Variants in KCNIP4 observed in about 807,000 individuals in gnomAD.
KCNIP4 encodes Kv channel-interacting protein 4.
A neutral mutation model predicts 34.0 loss-of-function variants in KCNIP4; 12 were observed. The ratio of observed to expected loss-of-function variants is 0.35; its 90% CI spans 0.23 to 0.57. The LOEUF (loss-of-function observed/expected upper bound fraction) is 0.57, where lower values mean the gene tolerates loss of function less well. Ranked by LOEUF, KCNIP4 falls within the 20% of genes least tolerant of loss-of-function variation. KCNIP4 has a pLI of 0.83. For missense variants in KCNIP4, 238 were observed against 311.7 expected (o/e 0.76, Z 1.78); for synonymous variants, 124 against 102.2 (o/e 1.21, Z -1.29).
intron 1 of KCNIP4, among the ~76,000 whole-genome samples, chr4:21,225,602 CT>C (rs1232005836): frequency 6.6e-6 from 1 of 151,996 alleles, no homozygotes; most frequent in Non-Finnish European, 1.5e-5. Context: ...CCCTTTATTC[CT>C]CATCTGTAAA....
At chr4:20,784,467 T>C (rs1164828179) in intron 3 of KCNIP4, among the ~76,000 whole-genome samples, 1 of 152,188 alleles carries the variant, frequency 6.6e-6, no homozygotes, top group Non-Finnish European at 1.5e-5. Context: ...TTAATAAAGT[T>C]GTGGTTATTG....
chr4:21,621,562 T>G (rs1744999399), intron 1 of KCNIP4, among the ~76,000 whole-genome samples: 3 of 152,112 alleles, frequency 2.0e-5, no homozygotes, highest in Admixed American at 2.0e-4. Flanking sequence ...ATCACCATGT[T>G]GCCCAGGCTG....
intron 1 of KCNIP4, among the ~76,000 whole-genome samples, chr4:21,756,552 CAAAA>C (rs71191600): frequency 1.6e-4 from 20 of 124,916 alleles, no homozygotes; most frequent in East Asian, 2.2e-4. Context: ...GACTCTGTCT[CAAAA>C]AAAAAAAAAA....
At chr4:21,853,613 C>A (rs1316401365) in intron 1 of KCNIP4, among the ~76,000 whole-genome samples, 1 of 152,132 alleles carries the variant, frequency 6.6e-6, no homozygotes, top group Non-Finnish European at 1.5e-5. Context: ...GGGTTCAACA[C>A]ATGAATTGGA....
intron 1 of KCNIP4, among the ~76,000 whole-genome samples, chr4:21,001,382 C>A (rs1738123954): frequency 6.6e-6 from 1 of 152,178 alleles, no homozygotes; most frequent in Non-Finnish European, 1.5e-5. Context: ...ACCCCTTTAA[C>A]CTGCCCTCCA....
chr4:21,711,162 G>C (rs1713690995), intron 1 of KCNIP4, among the ~76,000 whole-genome samples: 1 of 152,068 alleles, frequency 6.6e-6, no homozygotes, highest in East Asian at 1.9e-4. Context: ...CTTGAAGGGA[G>C]AGAAAAGATG....
At chr4:20,886,922 G>A (rs1725376021) in intron 1 of KCNIP4, among the ~76,000 whole-genome samples, 1 of 152,060 alleles carries the variant, frequency 6.6e-6, no homozygotes, top group Non-Finnish European at 1.5e-5. Flanking sequence ...ATGTGAGAAA[G>A]CAGAACAAAT....
At chr4:21,233,646 G>T (rs566106264) in intron 1 of KCNIP4, among the ~76,000 whole-genome samples, 1 of 151,682 alleles carries the variant, frequency 6.6e-6, no homozygotes, top group South Asian at 2.1e-4. Flanking sequence ...TTCTCAGTCT[G>T]TTCATCAAGA....
At chr4:21,632,156 T>C (rs1577723035) in intron 1 of KCNIP4, among the ~76,000 whole-genome samples, 1 of 152,326 alleles carries the variant, frequency 6.6e-6, no homozygotes, top group Admixed American at 6.5e-5. Flanking sequence ...CCATGCTTTT[T>C]GATGTTCAGC....
chr4:20,846,922 G>C (rs1720453403), intron 3 of KCNIP4, among the ~76,000 whole-genome samples: 3 of 152,166 alleles, frequency 2.0e-5, no homozygotes. Flanking sequence ...AAGCATAGTA[G>C]CCACTATTTT....
chr4:20,868,040 T>C (rs1723050263), intron 2 of KCNIP4, among the ~76,000 whole-genome samples: 1 of 151,506 alleles, frequency 6.6e-6, no homozygotes, highest in Admixed American at 6.6e-5. Context: ...AAAGAAGCTA[T>C]CAACAAAGCC....
intron 1 of KCNIP4, among the ~76,000 whole-genome samples, chr4:21,023,156 G>A (rs957687887): frequency 6.6e-6 from 1 of 151,998 alleles, no homozygotes; most frequent in African/African-American, 2.4e-5. Flanking sequence ...CCTCAGGAAA[G>A]GCAATATAAA....
At chr4:20,731,369 A>C in intron 8 of KCNIP4, 1 of 983,258 alleles carries the variant, frequency 1.0e-6, no homozygotes, top group Non-Finnish European at 1.2e-6. Context: ...CTACTGTACC[A>C]GGCCTTAACA....
chr4:21,614,237 GA>G (rs1422520345), intron 1 of KCNIP4, among the ~76,000 whole-genome samples: 2 of 151,834 alleles, frequency 1.3e-5, no homozygotes, highest in Non-Finnish European at 2.9e-5. Flanking sequence ...ATTAGAGAGT[GA>G]ATTTTATTCA....
At chr4:21,883,052 C>T (rs1471897077) in intron 1 of KCNIP4, among the ~76,000 whole-genome samples, 1 of 151,866 alleles carries the variant, frequency 6.6e-6, no homozygotes, top group Non-Finnish European at 1.5e-5. Flanking sequence ...GCTCTCTAGG[C>T]CCAAGAAATA....
chr4:21,909,895 T>C (rs1455507805), intron 1 of KCNIP4, among the ~76,000 whole-genome samples: 2 of 151,910 alleles, frequency 1.3e-5, no homozygotes, highest in Non-Finnish European at 2.9e-5. Flanking sequence ...ACCACAAGGA[T>C]AGTATGGGGG....
At chr4:21,401,510 G>C (rs1022515039) in intron 1 of KCNIP4, among the ~76,000 whole-genome samples, 1 of 152,166 alleles carries the variant, frequency 6.6e-6, no homozygotes, top group Non-Finnish European at 1.5e-5. Flanking sequence ...ATTTGCCCAT[G>C]TTGAATGTGA....
At chr4:21,808,943 C>T (rs57505034) in intron 1 of KCNIP4, among the ~76,000 whole-genome samples, 11,878 of 152,132 alleles carry the variant, frequency 0.078, 541 homozygotes, top group Middle Eastern at 0.13. Flanking sequence ...TGCCAGGCTT[C>T]ACAGCTCAAA....
intron 1 of KCNIP4, among the ~76,000 whole-genome samples, chr4:21,383,635 T>C (rs192060174): frequency 1.6e-4 from 25 of 152,234 alleles, no homozygotes; most frequent in African/African-American, 3.4e-4. Flanking sequence ...AAGTGAGTAT[T>C]TGCTGATTTT....
Sources: allele counts gnomAD v4.1 joint callset (sites outside exome capture counted in the v4.1 genomes callset), GRCh38; gene constraint gnomAD v4.1.1; transcripts MANE v1.5; gene names NCBI Gene and HGNC (gene_info 2026-07-23, HGNC 2026-07-21).